Variants in CARMIL1 observed in about 807,000 individuals in gnomAD.
CARMIL1 encodes the protein F-actin-uncapping protein LRRC16A.
Under a neutral mutation model 177.1 loss-of-function variants are expected in CARMIL1, and 90 were observed. The ratio of observed to expected loss-of-function variants is 0.51; its 90% CI spans 0.43 to 0.61. The LOEUF is 0.61. CARMIL1 is among the 20% of genes least tolerant of loss of function. The pLI is 0.00. For missense variants in CARMIL1, 1,380 were observed against 1,667.0 expected (o/e 0.83, Z 3.00); for synonymous variants, 577 against 606.2 (o/e 0.95, Z 0.71).
intron 2 of CARMIL1, among the ~76,000 whole-genome samples, chr6:25,321,919 A>G (rs545661417): frequency 6.6e-6 from 1 of 152,044 alleles, no homozygotes; most frequent in South Asian, 2.1e-4. Context: ...TGGCCTCCCA[A>G]AGTGCTGGGA....
At chr6:25,617,185 G>T (rs1161816163) in intron 36 of CARMIL1, among the ~76,000 whole-genome samples, 2 of 152,176 alleles carry the variant, frequency 1.3e-5, no homozygotes, top group African/African-American at 4.8e-5. Flanking sequence ...TCAACATTTA[G>T]GTGGAGACTG....
At chr6:25,390,310 ATATATATATAT>A (rs1380266726) in intron 2 of CARMIL1, among the ~76,000 whole-genome samples, 848 of 38,604 alleles carry the variant, frequency 0.022, 5 homozygotes, top group Non-Finnish European at 0.034. Context: ...ATATATATAT[ATATATATATAT>A]TTTTTTTTTT....
chr6:25,459,266 C>CTTTCTTTCTTTCTTTCTTTCTTTCT, intron 8 of CARMIL1, among the ~76,000 whole-genome samples: 4 of 73,748 alleles, frequency 5.4e-5, no homozygotes, highest in African/African-American at 9.8e-5. Flanking sequence ...TTCTTTCTTT[C>CTTTCTTTCTTTCTTTCTTTCTTTCT]TTTTTTTTTT....
At position 25,404,716 on chromosome 6, in the gene CARMIL1, A is replaced by G. The variant is rs548879554; in HGVS notation, c.139-15398A>G. Among the ~76,000 whole-genome samples the G allele has an allele frequency of 4.1e-3, 616 of 151,432 alleles. 4 individuals are homozygous for G. The highest frequency in any genetic ancestry group is 5.3e-3 in the Non-Finnish European group (362 of 67,862). ...GGTTGCAGCGAGCCGAGATCTTACCACTGCACTCCAGCCTGGGTGACAGAG... is the reference window on the plus strand; with the variant it reads ...GGTTGCAGCGAGCCGAGATCTTACCGCTGCACTCCAGCCTGGGTGACAGAG... On this transcript the variant is annotated intron_variant, in intron 2 of 36. Transcript: ENST00000329474.
At chr6:25,343,099 T>C (rs942201721) in intron 2 of CARMIL1, among the ~76,000 whole-genome samples, 1 of 152,224 alleles carries the variant, frequency 6.6e-6, no homozygotes, top group Non-Finnish European at 1.5e-5. Flanking sequence ...ATTGGGTGTT[T>C]CCTCAATGTG....
intron 13 of CARMIL1, among the ~76,000 whole-genome samples, chr6:25,491,522 C>CT (rs1049777014): frequency 3.3e-5 from 5 of 152,084 alleles, no homozygotes; most frequent in Non-Finnish European, 5.9e-5. Context: ...TCCATTTGGC[C>CT]TTTTTTTAAC....
intron 8 of CARMIL1, among the ~76,000 whole-genome samples, chr6:25,454,401 A>T (rs141733251): frequency 6.6e-6 from 1 of 152,190 alleles, no homozygotes; most frequent in African/African-American, 2.4e-5. Context: ...ATAAAACTGT[A>T]TTTGCACAGA....
intron 11 of CARMIL1, among the ~76,000 whole-genome samples, chr6:25,475,408 A>C (rs1018923537): frequency 6.6e-6 from 1 of 152,154 alleles, no homozygotes; most frequent in Admixed American, 6.5e-5. Context: ...CTCAAAAAAA[A>C]AAAAAAAAGT....
rs1188060333 is a variant in CARMIL1 at position 25,352,187 on chromosome 6, C to G, written c.138+67278C>G. 4.0e-5 allele frequency among the ~76,000 whole-genome samples: 6 copies of G among 151,300 alleles called. No homozygotes were observed. In the East Asian group the frequency reaches 1.2e-3, roughly 29 times the overall value. On this transcript the variant is annotated intron_variant, in intron 2 of 36. Coordinates refer to ENST00000329474, the MANE Select transcript of CARMIL1 (RefSeq NM_017640.6). Reference sequence around the variant, plus strand: ...AAAAAAAGTATTCATCTATAGGTGACTACATAAATGACCCCAGATAACAGG... The same window carrying G: ...AAAAAAAGTATTCATCTATAGGTGAGTACATAAATGACCCCAGATAACAGG...
chr6:25,380,876 A>G (rs1791459357), intron 2 of CARMIL1, among the ~76,000 whole-genome samples: 1 of 152,180 alleles, frequency 6.6e-6, no homozygotes, highest in Non-Finnish European at 1.5e-5. Context: ...ACCACATGAA[A>G]TATTTGCTCT....
rs189604297 is a variant in CARMIL1, at chr6:25,400,600, A to G, written c.139-19514A>G. The stretch of plus-strand genomic sequence containing the variant: ...CAGAATTAAGACTGGGAATTTTTTG[A>G]ATTCATATCCCAAAGCTCCTTTAAA... On this transcript the variant is annotated intron_variant, in intron 2 of 36. Transcript: ENST00000329474. Among the ~76,000 whole-genome samples, 61 of 152,328 alleles carry G rather than the reference A, an allele frequency of 4.0e-4. 1 individual carries two copies. Among genetic ancestry groups the G allele is most frequent in the African/African-American group, 1.4e-3 (60 of 41,576 alleles).
chr6:25,406,222 A>T (rs1373318558), intron 2 of CARMIL1, among the ~76,000 whole-genome samples: 1 of 152,154 alleles, frequency 6.6e-6, no homozygotes, highest in East Asian at 1.9e-4. Flanking sequence ...GGACTTTCTT[A>T]GGGAAGTCCT....
chr6:25,578,526 A>G (rs907504540), intron 29 of CARMIL1, among the ~76,000 whole-genome samples: 4 of 152,216 alleles, frequency 2.6e-5, no homozygotes, highest in Non-Finnish European at 4.4e-5. Context: ...AAGATTAAGG[A>G]AGTCCACATT....
At chr6:25,466,089 T>C in intron 9 of CARMIL1, 141 bp downstream of exon 9, 1 of 622,370 alleles carries the variant, frequency 1.6e-6, no homozygotes, top group South Asian at 2.0e-5. Context: ...TTCCTTTAAA[T>C]GATTTGCGTA....
At chr6:25,579,993 G>A (rs956853141) in intron 29 of CARMIL1, among the ~76,000 whole-genome samples, 20 of 152,032 alleles carry the variant, frequency 1.3e-4, no homozygotes, top group African/African-American at 4.1e-4. Context: ...GTTTATACAC[G>A]TACCAGTTTC....
intron 2 of CARMIL1, among the ~76,000 whole-genome samples, chr6:25,287,260 A>G (rs796685729): frequency 2.6e-5 from 4 of 152,228 alleles, no homozygotes; most frequent in African/African-American, 9.6e-5. Flanking sequence ...TACTTCCCCC[A>G]TTGCCCACCA....
intron 8 of CARMIL1, among the ~76,000 whole-genome samples, chr6:25,454,365 G>A (rs2150875409): frequency 6.6e-6 from 1 of 152,292 alleles, no homozygotes; most frequent in Non-Finnish European, 1.5e-5. Flanking sequence ...CCTAGACAAT[G>A]TATGAATGAG....
Position 25,488,483 on chromosome 6 carries a change from G to T in CARMIL1, c.963G>T (p.Gly321=), listed in dbSNP as rs764961384. 4 of 1,613,066 alleles carry T rather than the reference G, an allele frequency of 2.5e-6. No homozygotes were observed. The highest frequency in any genetic ancestry group is 1.7e-5 in the Admixed American group (1 of 59,998). Residue 321 remains glycine (G), a splice_region_variant and synonymous_variant, in exon 13 of 37, where the codon GGG becomes GGT. Transcript: ENST00000329474. ...GCCTGGATTTTCTTGATGTTGCAGG[G>T]GTGAACAGCCTTTCTCAGTCACTCA... is the stretch of plus-strand genomic sequence containing the variant. The part of the protein sequence containing the change: ...NLSKTSLSPK[G]VNSLSQSLSA...
chr6:25,586,311 C>G (rs1324599999), intron 31 of CARMIL1, among the ~76,000 whole-genome samples: 1 of 149,718 alleles, frequency 6.7e-6, no homozygotes, highest in Non-Finnish European at 1.5e-5. Context: ...CCTCAGTTCC[C>G]AGACGGGGTC....
Sources: gnomAD v4.1 joint callset for allele counts (sites outside exome capture counted in the v4.1 genomes callset) on GRCh38, gnomAD v4.1.1 for gene constraint, MANE v1.5 for transcripts, NCBI Gene and HGNC (gene_info 2026-07-23, HGNC 2026-07-21) for gene names.